The following SH2D2A variants were observed in gnomAD, a reference collection of about 807,000 sequenced individuals.
SH2D2A encodes the protein SH2 domain containing 2A, also known as SH2 domain-containing protein 2A.
In SH2D2A, 33 loss-of-function variants were observed where a neutral mutation model predicts 43.6. The observed-to-expected ratio is 0.76, with a 90% confidence interval of 0.57 to 1.01. The LOEUF is 1.01. Ranked by LOEUF, SH2D2A falls within the 50% of genes least tolerant of loss-of-function variation. The pLI is 0.00. For synonymous variants in SH2D2A, 212 were observed against 206.1 expected (o/e 1.03, Z -0.25); for missense variants, 491 against 503.1 (o/e 0.98, Z 0.23).
Position 156,807,190 on chromosome 1 carries a change from C to A in SH2D2A, c.1158G>T (p.Gly386=). The A allele has an allele frequency of 6.2e-7, 1 of 1,612,806 alleles. No homozygotes were observed. The highest frequency in any genetic ancestry group is 8.5e-7 in the Non-Finnish European group (1 of 1,179,810). Residue 386 remains glycine (G), a synonymous_variant, in exon 8 of 9, where the codon GGG becomes GGT. Transcript: ENST00000368199. This position sits in a 1 kb window ranked among gnomAD's most constrained non-coding sequence, Gnocchi z 5.1. ...TCAGACTTACCGCCTACTGAGGAGGCCCAAGGGGAAGCCATGCCTGTCCTC... is the reference window on the plus strand; with the variant it reads ...TCAGACTTACCGCCTACTGAGGAGGACCAAGGGGAAGCCATGCCTGTCCTC... ...QDRGQAWLPL[G]PPQ
At chr1:156,815,286 A>G (rs1653790467) in intron 2 of SH2D2A, 65 bp from the exon 3 acceptor site, 5 of 1,248,916 alleles carry the variant, frequency 4.0e-6, no homozygotes, top group South Asian at 3.6e-5. Flanking sequence ...CCTGACTTTG[A>G]TCCACCTGCC....
chr1:156,809,248 G>T lies in SH2D2A; in HGVS notation c.957C>A (p.His319Gln). 6.2e-7 allele frequency: 1 copy of T among 1,613,892 alleles called. No homozygotes were observed. Among genetic ancestry groups the T allele is most frequent in the African/African-American group, 1.3e-5 (1 of 75,050 alleles). ...EDEGLPATLG[H>Q]PVLRKSWSRP... ...TGGACCAGCTCTTCCGTAGGACAGG[G>T]TGCCCAAGGGTGGCGGGTAGGCCCT... Residue 319 changes from histidine to glutamine, a missense_variant, in exon 7 of 9, where the codon CAC (histidine) becomes CAA (glutamine). By Grantham distance (24) the His-to-Gln change is conservative. Coordinates refer to ENST00000368199, the MANE Select transcript of SH2D2A (RefSeq NM_003975.4). This position sits in a 1 kb window ranked among gnomAD's most constrained non-coding sequence, Gnocchi z 4.8.
chr1:156,810,640 C>T (rs2102799583), intron 5 of SH2D2A, among the ~76,000 whole-genome samples: 1 of 152,186 alleles, frequency 6.6e-6, no homozygotes, highest in African/African-American at 2.4e-5. Flanking sequence ...CCTGCCTCAG[C>T]CTCCCAAGTA....
intron 5 of SH2D2A, among the ~76,000 whole-genome samples, chr1:156,812,478 C>A (rs2735655): frequency 6.6e-6 from 1 of 152,232 alleles, no homozygotes; most frequent in East Asian, 1.9e-4. Context: ...AGGGCCTTTG[C>A]ACCTGCTGTG....
Position 156,813,847 on chromosome 1 carries a change from C to G in SH2D2A, c.567+1G>C. The stretch of plus-strand genomic sequence containing the variant: ...CTCTGGTCAGGGTCTGGGGCGCGTA[C>G]CTGTCGGGCGAGGGGCTCGGTGAGC... On this transcript the variant is annotated splice_donor_variant, in intron 5 of 8. Transcript: ENST00000368199. LOFTEE classifies it high-confidence loss of function. The G allele has an allele frequency of 1.4e-6, 2 of 1,478,350 alleles. No homozygotes were observed. The highest frequency in any genetic ancestry group is 1.8e-6 in the Non-Finnish European group (2 of 1,113,986). The allele number at this position is 1,478,350 out of a possible 1,614,324, so 91.6% of individuals were successfully genotyped here. A position where few individuals can be genotyped will look rare whatever the true frequency, so the allele number is the denominator to read the frequency against.
In SH2D2A at chr1:156,815,760, C is replaced by T. The variant is rs575068011; in HGVS notation, c.123+246G>A. The T allele has an allele frequency of 2.3e-5, 36 of 1,584,162 alleles. No individual in the cohort carries two copies. In the African/African-American group the frequency reaches 4.7e-4, roughly 21 times the overall value. On this transcript the variant is annotated intron_variant, in intron 2 of 8. Coordinates refer to ENST00000368199, the MANE Select transcript of SH2D2A (RefSeq NM_003975.4). ...GGGACTCAATGCACTGCACCCTGGT[C>T]ATCTGCGGACTCAGCCTGAGCTTCC...
At chr1:156,815,797 G>A (rs1653848530) in intron 2 of SH2D2A, 1 of 1,613,926 alleles carries the variant, frequency 6.2e-7, no homozygotes, top group South Asian at 1.1e-5. Context: ...GAGGGCCTAG[G>A]AGCAGTAAGG....
In SH2D2A at chr1:156,809,580, G is replaced by A. The variant is rs1003801191; in HGVS notation, c.714+81C>T. ...ACTCCCAGCCTGAGCCTCTGCCCCC[G>A]CTAGGCCCCTCCTCCTCCCCGCTGC... On this transcript the variant is annotated intron_variant, in intron 6 of 8. Transcript: ENST00000368199. This position sits in a 1 kb window ranked among gnomAD's most constrained non-coding sequence, Gnocchi z 4.8. 77 of 1,554,506 alleles carry A rather than the reference G, an allele frequency of 5.0e-5. No homozygotes were observed. The East Asian group carries it at 1.0e-3, about 21-fold the overall frequency.
At chr1:156,806,778 C>G (rs1339355104) in intron 8 of SH2D2A, among the ~76,000 whole-genome samples, 1 of 152,188 alleles carries the variant, frequency 6.6e-6, no homozygotes, top group African/African-American at 2.4e-5. Context: ...AGTCCTTGAC[C>G]TTGGCCAAGT....
In SH2D2A at chr1:156,807,189, G is replaced by A; in HGVS notation, c.1159C>T (p.Pro387Ser). ...CTCAGACTTACCGCCTACTGAGGAG[G>A]CCCAAGGGGAAGCCATGCCTGTCCT... ...DRGQAWLPLG[P>S]PQ Residue 387 changes from proline to serine, a missense_variant, in exon 8 of 9, where the codon CCT becomes TCT. Pro to Ser is a moderately conservative substitution (Grantham distance 74). Transcript: ENST00000368199. This position sits in a 1 kb window ranked among gnomAD's most constrained non-coding sequence, Gnocchi z 5.1. The A allele has an allele frequency of 5.9e-6, 9 of 1,531,746 alleles. No homozygotes were observed. The highest frequency in any genetic ancestry group is 8.0e-6 in the Non-Finnish European group (9 of 1,131,300). 94.9% of individuals were successfully genotyped at this position (1,531,746 alleles called of 1,614,324 possible). A position where few individuals can be genotyped will look rare whatever the true frequency, so the allele number is the denominator to read the frequency against.
chr1:156,815,065 C>T lies in SH2D2A; in HGVS notation c.280G>A (p.Ala94Thr). The T allele has an allele frequency of 6.3e-7, 1 of 1,588,116 alleles. No individual in the cohort carries two copies. The highest frequency in any genetic ancestry group is 8.6e-7 in the Non-Finnish European group (1 of 1,166,610). ...HWLLQHGAAP[A>T]WFHGFITRRE... The stretch of plus-strand genomic sequence containing the variant: ...CGGGTGATGAAGCCATGGAACCAGG[C>T]AGGGGCTGCCCCGTGCTGCAGGAGC... Residue 94 changes from alanine (A) to threonine (T), a missense_variant, in exon 3 of 9, where the codon GCC becomes ACC. Physicochemically the swap from Ala to Thr is moderately conservative, Grantham distance 58 (BLOSUM62 0). Coordinates refer to ENST00000368199, the MANE Select transcript of SH2D2A (RefSeq NM_003975.4).
Position 156,809,157 on chromosome 1 carries a change from G to A in SH2D2A, c.1002+46C>T, listed in dbSNP as rs373563697. On this transcript the variant is annotated intron_variant, in intron 7 of 8. Coordinates refer to ENST00000368199, the MANE Select transcript of SH2D2A (RefSeq NM_003975.4). The surrounding 1 kb of genome is among the most constrained non-coding windows in gnomAD (Gnocchi z 4.8). ...CTTCTTCACCTTCCCCCATCTACCT[G>A]CAGGGAGACCTTCTTGCACCTACCT... 7.7e-6 allele frequency: 12 copies of A among 1,552,424 alleles called. No homozygotes were observed. In the African/African-American group the frequency reaches 1.6e-4, roughly 21 times the overall value.
chr1:156,807,327 G>T lies in SH2D2A; in HGVS notation c.1021C>A (p.Leu341Met). Residue 341 changes from leucine to methionine, a missense_variant, in exon 8 of 9, where the codon CTG (leucine) becomes ATG (methionine). By Grantham distance (15) the Leu-to-Met change is conservative (BLOSUM62 2). Coordinates refer to ENST00000368199, the MANE Select transcript of SH2D2A (RefSeq NM_003975.4). This position sits in a 1 kb window ranked among gnomAD's most constrained non-coding sequence, Gnocchi z 5.1. ...CCAATCACAGAGTTCTCAGAATGCA[G>T]CTGGGAGCCACCTGTATTCTGCAGA... ...PGGQNTGGSQ[L>M]HSENSVIGQG... is the part of the protein sequence containing the mutation. 6.4e-7 allele frequency: 1 copy of T among 1,572,914 alleles called. No homozygotes were observed. Among genetic ancestry groups the T allele is most frequent in the Non-Finnish European group, 8.6e-7 (1 of 1,164,764 alleles).
chr1:156,814,117 A>G (rs1389312755), intron 4 of SH2D2A, 88 bp downstream of exon 4: 1 of 1,554,692 alleles, frequency 6.4e-7, no homozygotes, highest in African/African-American at 1.4e-5. Context: ...GAATGAGCTA[A>G]GAGCCCGGCT....
In SH2D2A at chr1:156,809,426, T is replaced by G; in HGVS notation, c.779A>C (p.Tyr260Ser). Residue 260 changes from tyrosine to serine, a missense_variant, in exon 7 of 9, where the codon TAC (tyrosine) becomes TCC (serine). Coordinates refer to ENST00000368199, the MANE Select transcript of SH2D2A (RefSeq NM_003975.4). The surrounding 1 kb of genome is among the most constrained non-coding windows in gnomAD (Gnocchi z 4.8). ...PAKPQLPPEV[Y>S]TIPVPRHRPA... ...GCGGTGTCGTGGAACAGGGATTGTG[T>G]AGACTTCTGGGGGCAGCTGAGGTTT... 1.2e-6 allele frequency: 2 copies of G among 1,613,488 alleles called. No individual in the cohort carries two copies. Among genetic ancestry groups the G allele is most frequent in the Non-Finnish European group, 1.7e-6 (2 of 1,179,968 alleles).
rs1652960344 is a variant in SH2D2A at position 156,806,253 on chromosome 1, A to G, written c.*324T>C. The G allele has an allele frequency of 1.3e-5, 2 of 152,260 alleles. No individual in the cohort carries two copies. Among genetic ancestry groups the G allele is most frequent in the Admixed American group, 1.3e-4 (2 of 15,276 alleles). 9.4% of individuals were successfully genotyped at this position (152,260 alleles called of 1,614,324 possible). A position where few individuals can be genotyped will look rare whatever the true frequency, so the allele number is the denominator to read the frequency against. ...CCTGGAGGACTTGAATCCCTGTAGGAGAAGGCAGTTGGTGATGATTTATTA... is the reference window on the plus strand; with the variant it reads ...CCTGGAGGACTTGAATCCCTGTAGGGGAAGGCAGTTGGTGATGATTTATTA... On this transcript the variant is annotated 3_prime_UTR_variant, in exon 9 of 9. Transcript: ENST00000368199.
Position 156,814,200 on chromosome 1 carries a change from C to T in SH2D2A, c.398+5G>A, listed in dbSNP as rs1158745811. 9 of 1,613,436 alleles carry T rather than the reference C, an allele frequency of 5.6e-6. No homozygotes were observed. The highest frequency in any genetic ancestry group is 1.1e-5 in the South Asian group (1 of 91,076). On this transcript the variant is annotated splice_donor_5th_base_variant and intron_variant, in intron 4 of 8. Transcript: ENST00000368199. ...TGTCGCCCGGCGCGGGGCCTCGCCCCTCACCTGTAAGTCAGCACGAAGGTC... is the reference window on the plus strand; with the variant it reads ...TGTCGCCCGGCGCGGGGCCTCGCCCTTCACCTGTAAGTCAGCACGAAGGTC...
Position 156,807,305 on chromosome 1 carries a change from A to G in SH2D2A, c.1043T>C (p.Ile348Thr), listed in dbSNP as rs895411677. ...GSQLHSENSV[I>T]GQGPPLPHQP... ...GTGGGGCAGGGGAGGGCCTTGCCCA[A>G]TCACAGAGTTCTCAGAATGCAGCTG... Residue 348 changes from isoleucine (I) to threonine (T), a missense_variant, in exon 8 of 9, where the codon ATT (isoleucine) becomes ACT (threonine). By Grantham distance (89) the Ile-to-Thr change is moderately conservative. Coordinates refer to ENST00000368199, the MANE Select transcript of SH2D2A (RefSeq NM_003975.4). This position sits in a 1 kb window ranked among gnomAD's most constrained non-coding sequence, Gnocchi z 5.1. 19 of 1,592,476 alleles carry G rather than the reference A, an allele frequency of 1.2e-5. No homozygotes were observed. The highest frequency in any genetic ancestry group is 1.6e-5 in the Non-Finnish European group (19 of 1,173,500).
Position 156,816,749 on chromosome 1 carries a change from A to G in SH2D2A, c.-41T>C. The G allele has an allele frequency of 2.6e-6, 4 of 1,557,330 alleles. No individual in the cohort carries two copies. Among genetic ancestry groups the G allele is most frequent in the East Asian group, 4.8e-5 (2 of 41,622 alleles). ...AGGGATCCCAGAGCAGGGTGTGTGT[A>G]TGTGTTCCGGAAAGGTGTGCACACT... On this transcript the variant is annotated 5_prime_UTR_variant, in exon 1 of 9. Transcript: ENST00000368199.
Sources: allele counts gnomAD v4.1 joint callset (sites outside exome capture counted in the v4.1 genomes callset), GRCh38; gene constraint gnomAD v4.1.1; non-coding constraint Gnocchi (gnomAD v3.1); transcripts MANE v1.5; gene names NCBI Gene and HGNC (gene_info 2026-07-23, HGNC 2026-07-21).